Variants in ALDH7A1 observed in about 807,000 individuals in gnomAD.
The protein encoded by ALDH7A1 is alpha-aminoadipic semialdehyde dehydrogenase.
ALDH7A1 carries 63 observed loss-of-function variants against 79.9 expected under a neutral mutation model. That is an observed-to-expected ratio of 0.79 (90% CI 0.64 to 0.97). The LOEUF is 0.97. Among genes scored for constraint, ALDH7A1 ranks in the 50% least tolerant of loss-of-function variants. The pLI, the probability that ALDH7A1 is intolerant of heterozygous loss-of-function variation, is 0.00. For synonymous variants in ALDH7A1, 240 were observed against 231.2 expected, an observed-to-expected ratio of 1.04 and a Z score of -0.34; for missense variants, 627 against 665.2, an observed-to-expected ratio of 0.94 and a Z score of 0.63.
At chr5:126,583,425 G>A (rs1751241463) in intron 4 of ALDH7A1, among the ~76,000 whole-genome samples, 1 of 151,926 alleles carries the variant, frequency 6.6e-6, no homozygotes, top group African/African-American at 2.4e-5. Flanking sequence ...AGGTTGCAGT[G>A]AGCCAAGATC....
intron 1 of ALDH7A1, chr5:126,593,810 C>G (rs1270412987): frequency 3.2e-6 from 1 of 308,600 alleles, no homozygotes; most frequent in Non-Finnish European, 6.2e-6. Context: ...CGTGTCCACA[C>G]CAACTGGAGA....
intron 14 of ALDH7A1, among the ~76,000 whole-genome samples, chr5:126,551,707 TACCACGG>T (rs1750005117): frequency 6.6e-6 from 1 of 152,070 alleles, no homozygotes; most frequent in Non-Finnish European, 1.5e-5. Flanking sequence ...AACTATCCAG[TACCACGG>T]TTCAGGAGAA....
Position 126,592,568 on chromosome 5 carries a change from G to C in ALDH7A1, c.312+96C>G, listed in dbSNP as rs577356767. 60 of 1,262,052 alleles carry C rather than the reference G, an allele frequency of 4.8e-5. No individual in the cohort carries two copies. The African/African-American group carries it at 7.6e-4, about 16-fold the overall frequency. The allele number at this position is 1,262,052 out of a possible 1,614,324, so 78.2% of individuals were successfully genotyped here. On this transcript the variant is annotated intron_variant, in intron 3 of 17. Transcript: ENST00000409134. ...CCCAAGGAGCTCACATTTTAACAAG[G>C]CGGCACTGACCTGCTTATCAGATGT...
Position 126,559,239 on chromosome 5 carries a change from C to T in ALDH7A1, c.1008+1G>A, listed in dbSNP as rs1482167835. On this transcript the variant is annotated splice_donor_variant, in intron 11 of 17. Transcript: ENST00000409134. LOFTEE classifies it high-confidence loss of function. Reference sequence around the variant, plus strand: ...AATCGGGCCTATGCAGATATACTCACCAGTCGCCTCGCAGTGGTACACCTC... The same window carrying T: ...AATCGGGCCTATGCAGATATACTCATCAGTCGCCTCGCAGTGGTACACCTC... 1.2e-6 allele frequency: 2 copies of T among 1,613,158 alleles called. No homozygotes were observed. Among genetic ancestry groups the T allele is most frequent in the East Asian group, 2.2e-5 (1 of 44,866 alleles).
At chr5:126,553,794 G>A (rs1750082975) in intron 13 of ALDH7A1, among the ~76,000 whole-genome samples, 1 of 151,526 alleles carries the variant, frequency 6.6e-6, no homozygotes, top group African/African-American at 2.4e-5. Flanking sequence ...AGCCTAGGTG[G>A]CAGAGCAAGA....
At chr5:126,580,242 G>A (rs570773540) in intron 5 of ALDH7A1, among the ~76,000 whole-genome samples, 1 of 152,152 alleles carries the variant, frequency 6.6e-6, no homozygotes, top group Non-Finnish European at 1.5e-5. Flanking sequence ...GGGATTACAG[G>A]AATGTGCCAC....
At position 126,592,746 on chromosome 5, in the gene ALDH7A1, G is replaced by T. The variant is rs1751594141; in HGVS notation, c.247-17C>A. 1 of 1,609,422 alleles carries T rather than the reference G, an allele frequency of 6.2e-7. No homozygotes were observed. Among genetic ancestry groups the T allele is most frequent in the African/African-American group, 1.3e-5 (1 of 74,884 alleles). On this transcript the variant is annotated splice_polypyrimidine_tract_variant and intron_variant, in intron 2 of 17. Coordinates refer to ENST00000409134, the MANE Select transcript of ALDH7A1 (RefSeq NM_001182.5). ...CACACTGGCCTAAATTAAGAATTAGGGGGACAGAAAGGGGGAAATAAAGAG... is the reference window on the plus strand; with the variant it reads ...CACACTGGCCTAAATTAAGAATTAGTGGGACAGAAAGGGGGAAATAAAGAG...
chr5:126,590,137 G>A (rs1751502752), intron 3 of ALDH7A1, among the ~76,000 whole-genome samples: 1 of 150,262 alleles, frequency 6.7e-6, no homozygotes, highest in South Asian at 2.1e-4. Flanking sequence ...GGAAAGTGAA[G>A]AGCGCCTCTG....
At position 126,542,663 on chromosome 5, in the gene ALDH7A1, A is replaced by T. The variant is rs893040236; in HGVS notation, c.*2302T>A. ...GTGGGCAAAACTGAGACACCAAAAA[A>T]AAAGAAGTGTTCTGTGGTTGCAGAG... On this transcript the variant is annotated 3_prime_UTR_variant, in exon 18 of 18. Coordinates refer to ENST00000409134, the MANE Select transcript of ALDH7A1 (RefSeq NM_001182.5). The T allele has an allele frequency of 6.6e-6, 1 of 152,282 alleles. No homozygotes were observed. The highest frequency in any genetic ancestry group is 2.4e-5 in the African/African-American group (1 of 41,424). The allele number at this position is 152,282 out of a possible 1,614,324, so 9.4% of individuals were successfully genotyped here. A position where few individuals can be genotyped will look rare whatever the true frequency, so the allele number is the denominator to read the frequency against.
intron 2 of ALDH7A1, among the ~76,000 whole-genome samples, chr5:126,593,049 C>T (rs1274013723): frequency 6.6e-6 from 1 of 152,174 alleles, no homozygotes; most frequent in Non-Finnish European, 1.5e-5. Context: ...TTCATTCTAA[C>T]AAAATCCTCA....
At chr5:126,565,252 A>G (rs1230218576) in intron 9 of ALDH7A1, among the ~76,000 whole-genome samples, 8 of 151,892 alleles carry the variant, frequency 5.3e-5, no homozygotes, top group Non-Finnish European at 1.2e-4. Context: ...AATTAGTCGG[A>G]CATGGTGGCG....
At chr5:126,582,140 C>T (rs1561666650) in intron 5 of ALDH7A1, 2 of 398,584 alleles carry the variant, frequency 5.0e-6, no homozygotes, top group Middle Eastern at 6.2e-4. Flanking sequence ...CTGAACAACA[C>T]AGCAAGATCC....
intron 11 of ALDH7A1, among the ~76,000 whole-genome samples, chr5:126,557,178 C>T (rs904437045): frequency 6.6e-6 from 1 of 152,036 alleles, no homozygotes; most frequent in African/African-American, 2.4e-5. Flanking sequence ...TTATGGTGAA[C>T]AAATTTAATA....
At chr5:126,573,163 T>C (rs1211385606) in intron 7 of ALDH7A1, among the ~76,000 whole-genome samples, 3 of 137,502 alleles carry the variant, frequency 2.2e-5, no homozygotes, top group Non-Finnish European at 3.2e-5. Context: ...AGTATCAAAA[T>C]GAACAATATT....
At chr5:126,560,989 G>T in intron 10 of ALDH7A1, 94 bp downstream of exon 10, 1 of 1,403,896 alleles carries the variant, frequency 7.1e-7, no homozygotes, top group Non-Finnish European at 1.0e-6. Flanking sequence ...TATGCAACAT[G>T]GACGAAATGA....
At chr5:126,554,525 CT>C in intron 12 of ALDH7A1, 132 bp from the exon 13 acceptor site, 3 of 755,274 alleles carry the variant, frequency 4.0e-6, no homozygotes, top group Non-Finnish European at 7.1e-6. Flanking sequence ...AGTCAGCATC[CT>C]TTTTCCATAA....
At position 126,589,638 on chromosome 5, in the gene ALDH7A1, G is replaced by A. The variant is rs1312459852; in HGVS notation, c.312+3026C>T. 5.9e-5 allele frequency among the ~76,000 whole-genome samples: 9 copies of A among 151,964 alleles called. No individual in the cohort carries two copies. In the South Asian group the frequency reaches 8.3e-4, roughly 14 times the overall value. On this transcript the variant is annotated intron_variant, in intron 3 of 17. Transcript: ENST00000409134. Reference sequence around the variant, plus strand: ...TACTAACAATACAAAAATTAGCCAGGCCTGCCACTCCGTCTGGGAAGTGAG... The same window carrying A: ...TACTAACAATACAAAAATTAGCCAGACCTGCCACTCCGTCTGGGAAGTGAG...
Position 126,583,926 on chromosome 5 carries a change from C to A in ALDH7A1, c.393+6G>T. 1.2e-6 allele frequency: 2 copies of A among 1,610,824 alleles called. No individual in the cohort carries two copies. Among genetic ancestry groups the A allele is most frequent in the Non-Finnish European group, 1.7e-6 (2 of 1,177,066 alleles). On this transcript the variant is annotated splice_donor_region_variant and intron_variant, in intron 4 of 17. Coordinates refer to ENST00000409134, the MANE Select transcript of ALDH7A1 (RefSeq NM_001182.5). The stretch of plus-strand genomic sequence containing the variant: ...GAATTGTGTATATACTACAAAAATA[C>A]TTTACCAAGCTTCCTAGTACTTGGA...
chr5:126,577,705 T>C (rs1403260023), intron 5 of ALDH7A1, among the ~76,000 whole-genome samples: 1 of 152,046 alleles, frequency 6.6e-6, no homozygotes. Context: ...TAGCTGGGAT[T>C]ACAGGCACGC....
Sources: gnomAD v4.1 joint callset for allele counts (sites outside exome capture counted in the v4.1 genomes callset) on GRCh38, gnomAD v4.1.1 for gene constraint, MANE v1.5 for transcripts, NCBI Gene and HGNC (gene_info 2026-07-23, HGNC 2026-07-21) for gene names.